The following CCDC116 variants were observed in gnomAD, a reference collection of about 807,000 sequenced individuals.
CCDC116 encodes the protein coiled-coil domain containing 116, also known as coiled-coil domain-containing protein 116.
A neutral mutation model predicts 29.4 loss-of-function variants in CCDC116; 24 were observed. The ratio of observed to expected loss-of-function variants is 0.82; its 90% CI spans 0.59 to 1.15. CCDC116 has a LOEUF of 1.15. Among genes scored for constraint, CCDC116 ranks in the 50% most tolerant of loss-of-function variants. The pLI, the probability that CCDC116 is intolerant of heterozygous loss-of-function variation, is 0.00. For missense variants in CCDC116, 791 were observed against 804.0 expected (o/e 0.98, Z 0.20); for synonymous variants, 298 against 331.4 (o/e 0.90, Z 1.10).
In CCDC116 at chr22:21,635,191, T is replaced by C. The variant is rs772881299; in HGVS notation, c.1128T>C (p.Leu376=). The change falls in exon 4 of 5, where the codon CTT becomes CTC. Residue 376 remains leucine (L), a synonymous_variant. Coordinates refer to ENST00000292779, the MANE Select transcript of CCDC116 (RefSeq NM_152612.3). ...CCACAGTCTCCAGCCCCAAGATGCT[T>C]CAGAGAAAACGCAAGGACAGAGGAG... is the stretch of plus-strand genomic sequence containing the variant. ...PRPTVSSPKM[L]QRKRKDRGGS... is the part of the protein sequence containing the mutation. 6.2e-7 allele frequency: 1 copy of C among 1,600,448 alleles called. No homozygotes were observed. Among genetic ancestry groups the C allele is most frequent in the Non-Finnish European group, 8.5e-7 (1 of 1,179,920 alleles).
Position 21,636,622 on chromosome 22 carries a change from C to T in CCDC116, c.1394C>T (p.Ser465Phe), listed in dbSNP as rs1186854876. 1 of 1,614,156 alleles carries T rather than the reference C, an allele frequency of 6.2e-7. No homozygotes were observed. The highest frequency in any genetic ancestry group is 8.5e-7 in the Non-Finnish European group (1 of 1,180,026). The change falls in exon 5 of 5, where the codon TCC (serine) becomes TTC (phenylalanine). Residue 465 changes from serine to phenylalanine, a missense_variant. Coordinates refer to ENST00000292779, the MANE Select transcript of CCDC116 (RefSeq NM_152612.3). ...CTCAGTAAGCAGCTGGGCTTCTTCT[C>T]CTTCCCCATCACCCACGTGCTCAGG... is the stretch of plus-strand genomic sequence containing the variant. Reference protein sequence around the residue: ...KDLSKQLGFFSFPITHVLRDL... With the variant: ...KDLSKQLGFFFFPITHVLRDL...
intron 1 of CCDC116, 68 bp from the exon 2 acceptor site, chr22:21,633,052 G>A (rs775709983): frequency 1.0e-5 from 8 of 770,330 alleles, no homozygotes; most frequent in South Asian, 5.9e-5. Context: ...CGAGGGACCC[G>A]CAGACTCCAG....
chr22:21,635,818 T>G, intron 4 of CCDC116: 1 of 574,344 alleles, frequency 1.7e-6, no homozygotes, highest in East Asian at 2.9e-5. Flanking sequence ...TTCTAACGTT[T>G]GTATGTGAAT....
chr22:21,635,470 C>T (rs1372123271), intron 4 of CCDC116: 1 of 704,100 alleles, frequency 1.4e-6, no homozygotes, highest in South Asian at 1.5e-5. Context: ...ACCTCAGGGG[C>T]CCTGTCACAC....
intron 1 of CCDC116, 84 bp from the exon 2 acceptor site, chr22:21,633,036 G>A (rs1365939254): frequency 1.4e-5 from 10 of 730,384 alleles, no homozygotes; most frequent in East Asian, 5.4e-5. Flanking sequence ...GGCGGGGTGC[G>A]GGGAGCGAGG....
chr22:21,636,727 G>T lies in CCDC116; in HGVS notation c.1499G>T (p.Arg500Leu), dbSNP rs373658268. 6.2e-7 allele frequency: 1 copy of T among 1,613,292 alleles called. No homozygotes were observed. ...GAGACCCACCGGAGCTGCCTGCTGC[G>T]TAAACTGGAGGAGTCCAAAAGGGCC... ...SSETHRSCLL[R>L]KLEESKRARQ... Residue 500 changes from arginine to leucine, a missense_variant, in exon 5 of 5, where the codon CGT becomes CTT. Coordinates refer to ENST00000292779, the MANE Select transcript of CCDC116 (RefSeq NM_152612.3).
At chr22:21,635,864 T>C in intron 4 of CCDC116, 1 of 528,366 alleles carries the variant, frequency 1.9e-6, no homozygotes, top group South Asian at 2.4e-5. Flanking sequence ...GAAAGTCCCG[T>C]CCCTTGTGGA....
Position 21,634,544 on chromosome 22 carries a change from C to A in CCDC116, c.595C>A (p.Arg199=). The change falls in exon 3 of 5, where the codon CGG becomes AGG. Residue 199 remains arginine (R), a synonymous_variant. Coordinates refer to ENST00000292779, the MANE Select transcript of CCDC116 (RefSeq NM_152612.3). ...ACTCCTGCTGGAGAAGAACCTCAAG[C>A]GGCTGCTACAGCTGGAGAGGGAAGG... ...DKLLLEKNLK[R]LLQLEREGKG... 1 of 1,606,862 alleles carries A rather than the reference C, an allele frequency of 6.2e-7. No homozygotes were observed. Among genetic ancestry groups the A allele is most frequent in the Non-Finnish European group, 8.5e-7 (1 of 1,174,876 alleles).
chr22:21,636,569 C>T lies in CCDC116; in HGVS notation c.1341C>T (p.Val447=), dbSNP rs753613172. 1.9e-6 allele frequency: 3 copies of T among 1,614,014 alleles called. No homozygotes were observed. The highest frequency in any genetic ancestry group is 2.5e-6 in the Non-Finnish European group (3 of 1,180,038). Residue 447 remains valine, a synonymous_variant, in exon 5 of 5, where the codon GTC becomes GTT. Coordinates refer to ENST00000292779, the MANE Select transcript of CCDC116 (RefSeq NM_152612.3). ...DFLTQQAASL[V]IRKYEFEKDL... The stretch of plus-strand genomic sequence containing the variant: ...TGACCCAGCAGGCAGCCTCCTTGGT[C>T]ATCCGCAAGTACGAGTTCGAAAAGG...
chr22:21,636,050 C>T (rs1302898764), intron 4 of CCDC116, among the ~76,000 whole-genome samples: 1 of 152,222 alleles, frequency 6.6e-6, no homozygotes, highest in Non-Finnish European at 1.5e-5. Context: ...TCCCTCGACC[C>T]TTTCCTCAGC....
In CCDC116 at chr22:21,634,218, T is replaced by C; in HGVS notation, c.269T>C (p.Val90Ala). ...GTCCTGGACAGCCTGGAGACAGTGG[T>C]GGAGAAGGCGACTGAGCGCATGGCT... The part of the protein sequence containing the change: ...SQVLDSLETV[V>A]EKATERMAAM... The change falls in exon 3 of 5, where the codon GTG (valine) becomes GCG (alanine). Residue 90 changes from valine to alanine, a missense_variant. Coordinates refer to ENST00000292779, the MANE Select transcript of CCDC116 (RefSeq NM_152612.3). The C allele has an allele frequency of 1.2e-6, 2 of 1,614,188 alleles. No individual in the cohort carries two copies. The highest frequency in any genetic ancestry group is 8.5e-7 in the Non-Finnish European group (1 of 1,180,020).
chr22:21,636,563 C>T lies in CCDC116; in HGVS notation c.1335C>T (p.Ser445=). The change falls in exon 5 of 5, where the codon TCC becomes TCT. Residue 445 remains serine (S), a synonymous_variant. Coordinates refer to ENST00000292779, the MANE Select transcript of CCDC116 (RefSeq NM_152612.3). ...ACTTCCTGACCCAGCAGGCAGCCTC[C>T]TTGGTCATCCGCAAGTACGAGTTCG... is the stretch of plus-strand genomic sequence containing the variant. ...LADFLTQQAA[S]LVIRKYEFEK... 2.5e-6 allele frequency: 4 copies of T among 1,614,094 alleles called. No homozygotes were observed. The highest frequency in any genetic ancestry group is 3.4e-6 in the Non-Finnish European group (4 of 1,180,016).
In CCDC116 at chr22:21,634,921, C is replaced by A; in HGVS notation, c.858C>A (p.Leu286=). Residue 286 remains leucine (L), a synonymous_variant, in exon 4 of 5, where the codon CTC becomes CTA. Transcript: ENST00000292779. ...CATTACTGAGCCAGCTGGAGTCCCTCGACCTGCCTGGCTACTGTCCGCTCC... is the reference window on the plus strand; with the variant it reads ...CATTACTGAGCCAGCTGGAGTCCCTAGACCTGCCTGGCTACTGTCCGCTCC... ...IKSLLSQLES[L]DLPGYCPLRE... is the part of the protein sequence containing the mutation. 6.2e-7 allele frequency: 1 copy of A among 1,613,960 alleles called. No individual in the cohort carries two copies. Among genetic ancestry groups the A allele is most frequent in the Non-Finnish European group, 8.5e-7 (1 of 1,180,032 alleles).
At position 21,634,707 on chromosome 22, in the gene CCDC116, C is replaced by G; in HGVS notation, c.644C>G (p.Ser215Cys). The change falls in exon 4 of 5, where the codon TCC (serine) becomes TGC (cysteine). Residue 215 changes from serine (S) to cysteine (C), a missense_variant. Transcript: ENST00000292779. ...REGKGLSQSC[S>C]QRDSLLWDSL... ...CAGAAAGGCCTCAGTCAGTCCTGCT[C>G]CCAGAGGGACTCCCTGCTGTGGGAT... is the stretch of plus-strand genomic sequence containing the variant. 6.2e-7 allele frequency: 1 copy of G among 1,609,294 alleles called. No homozygotes were observed. The highest frequency in any genetic ancestry group is 8.5e-7 in the Non-Finnish European group (1 of 1,176,782).
chr22:21,635,505 G>A lies in CCDC116; in HGVS notation c.1203+239G>A, dbSNP rs748706599. 1.7e-5 allele frequency: 12 copies of A among 702,938 alleles called. No homozygotes were observed. The Admixed American group carries it at 2.0e-4, about 12-fold the overall frequency. 43.5% of individuals were successfully genotyped at this position (702,938 alleles called of 1,614,324 possible). ...CCTCCACTTTCCTCCCCCTACCCCCGCTCTTCCTGCTACCTTCTCCCTGAG... is the reference window on the plus strand; with the variant it reads ...CCTCCACTTTCCTCCCCCTACCCCCACTCTTCCTGCTACCTTCTCCCTGAG... On this transcript the variant is annotated intron_variant, in intron 4 of 4. Transcript: ENST00000292779.
intron 1 of CCDC116, 135 bp from the exon 2 acceptor site, chr22:21,632,985 T>A (rs1930610691): frequency 1.4e-6 from 1 of 707,440 alleles, no homozygotes; most frequent in Admixed American, 2.0e-5. Flanking sequence ...TGCAGACGCA[T>A]GGGGGCCATG....
In CCDC116 at chr22:21,634,470, G is replaced by A. The variant is rs191630966; in HGVS notation, c.521G>A (p.Arg174Gln). 2.2e-5 allele frequency: 36 copies of A among 1,614,168 alleles called. No homozygotes were observed. Among genetic ancestry groups the A allele is most frequent in the Middle Eastern group, 1.6e-4 (1 of 6,062 alleles). Residue 174 changes from arginine to glutamine, a missense_variant, in exon 3 of 5, where the codon CGG becomes CAG. Coordinates refer to ENST00000292779, the MANE Select transcript of CCDC116 (RefSeq NM_152612.3). ...GCCGGCTGTCTGGGCTCCCACAGCC[G>A]GGACAGTGACCTAGGTGCCCAAGGC... ...LMAGCLGSHS[R>Q]DSDLGAQGSL...
chr22:21,633,051 C>G (rs1416072126), intron 1 of CCDC116, 69 bp from the exon 2 acceptor site: 2 of 768,312 alleles, frequency 2.6e-6, no homozygotes, highest in South Asian at 1.5e-5. Context: ...GCGAGGGACC[C>G]GCAGACTCCA....
chr22:21,633,930 A>T, intron 2 of CCDC116, 92 bp from the exon 3 acceptor site: 2 of 1,294,222 alleles, frequency 1.5e-6, no homozygotes, highest in Non-Finnish European at 1.1e-6. Flanking sequence ...AGCTCCTTCC[A>T]CTACTCACTC....
Sources: allele counts gnomAD v4.1 joint callset (sites outside exome capture counted in the v4.1 genomes callset), GRCh38; gene constraint gnomAD v4.1.1; transcripts MANE v1.5; gene names NCBI Gene and HGNC (gene_info 2026-07-23, HGNC 2026-07-21).